Variants in NALCN observed in about 807,000 individuals in gnomAD.
The protein encoded by NALCN is sodium leak channel, non-selective.
A neutral mutation model predicts 225.3 loss-of-function variants in NALCN; 111 were observed. That is an observed-to-expected ratio of 0.49 (90% CI 0.42 to 0.58). NALCN has a LOEUF of 0.58. Among genes scored for constraint, NALCN ranks in the 20% least tolerant of loss-of-function variants. The pLI, the probability that NALCN is intolerant of heterozygous loss-of-function variation, is 0.00. For missense variants in NALCN, 1,378 were observed against 2,202.4 expected (o/e 0.63, Z 7.49); for synonymous variants, 764 against 769.0 (o/e 0.99, Z 0.11).
intron 10 of NALCN, among the ~76,000 whole-genome samples, chr13:101,273,709 C>A (rs186242192): frequency 2.6e-5 from 4 of 151,756 alleles, no homozygotes; most frequent in Non-Finnish European, 4.4e-5. Context: ...CACAGTGAAA[C>A]CCCGTCTCTT....
chr13:101,055,452 T>C lies in NALCN; in HGVS notation c.5060A>G (p.Asn1687Ser). ...GGTTGTCCTTCCTCCAAACCGTAAG[T>C]TGACTGAGGACACTGAATGGCTTAT... Reference protein sequence around the residue: ...KPISHSVSSVNLRFGGRTTMK... With the variant: ...KPISHSVSSVSLRFGGRTTMK... The change falls in exon 44 of 44, where the codon AAC becomes AGC. Residue 1687 changes from asparagine to serine, a missense_variant. Asn to Ser is a conservative substitution (Grantham distance 46, BLOSUM62 1). Around this residue, in one of 19 missense-constraint regions of NALCN, gnomAD observed 145 missense variants for 169.6 expected, o/e 0.85. Coordinates refer to ENST00000251127, the MANE Select transcript of NALCN (RefSeq NM_052867.4). 6.2e-7 allele frequency: 1 copy of C among 1,614,110 alleles called. No individual in the cohort carries two copies. Among genetic ancestry groups the C allele is most frequent in the Non-Finnish European group, 8.5e-7 (1 of 1,180,010 alleles).
At chr13:101,222,359 G>A (rs1186672379) in intron 13 of NALCN, among the ~76,000 whole-genome samples, 2 of 151,678 alleles carry the variant, frequency 1.3e-5, no homozygotes, top group South Asian at 2.1e-4. Context: ...CCTTCAACCC[G>A]CTATCTCTCT....
chr13:101,055,484 T>G lies in NALCN; in HGVS notation c.5028A>C (p.Pro1676=), dbSNP rs761293937. 1.2e-6 allele frequency: 2 copies of G among 1,613,768 alleles called. No individual in the cohort carries two copies. Among genetic ancestry groups the G allele is most frequent in the East Asian group, 2.2e-5 (1 of 44,862 alleles). The stretch of plus-strand genomic sequence containing the variant: ...AGGACACTGAATGGCTTATTGGTTT[T>G]GGGGCTGTGGAATTAATGAGTCCTA... The part of the protein sequence containing the change: ...KFGQWRLPSA[P]KPISHSVSSV... The change falls in exon 44 of 44, where the codon CCA becomes CCC. Residue 1676 remains proline (P), a synonymous_variant. Transcript: ENST00000251127.
At chr13:101,119,624 G>C (rs536429787) in intron 18 of NALCN, among the ~76,000 whole-genome samples, 1 of 152,300 alleles carries the variant, frequency 6.6e-6, no homozygotes, top group Admixed American at 6.5e-5. Flanking sequence ...TTGAATTAGA[G>C]GAAATCTCAA....
intron 15 of NALCN, among the ~76,000 whole-genome samples, chr13:101,161,349 C>T (rs988429590): frequency 1.2e-4 from 19 of 152,162 alleles, no homozygotes; most frequent in Non-Finnish European, 2.6e-4. Context: ...TGAACGTTTC[C>T]CCCAAATACG....
rs187870012 is a variant in NALCN at position 101,093,852 on chromosome 13, G to A, written c.3269+1722C>T. 4.6e-5 allele frequency among the ~76,000 whole-genome samples: 7 copies of A among 152,156 alleles called. No individual in the cohort carries two copies. The East Asian group carries it at 1.2e-3, about 25-fold the overall frequency. ...CCATCCTTAGCAGCTCAAGGACCCC[G>A]GTTTGAGGAAAGGAAGAAAAGTTGG... On this transcript the variant is annotated intron_variant, in intron 28 of 43. Coordinates refer to ENST00000251127, the MANE Select transcript of NALCN (RefSeq NM_052867.4).
intron 13 of NALCN, among the ~76,000 whole-genome samples, chr13:101,192,647 G>A (rs1442931795): frequency 1.3e-5 from 2 of 150,976 alleles, no homozygotes; most frequent in Non-Finnish European, 2.9e-5. Context: ...TCAAGATCAT[G>A]GAAGAAGCCA....
chr13:101,104,823 C>A lies in NALCN; in HGVS notation c.2636+71G>T. ...CAAGAAAATAAAAGAGAATTTTAATCGTTGTATGCAGCATAAAATAGTACA... is the reference window on the plus strand; with the variant it reads ...CAAGAAAATAAAAGAGAATTTTAATAGTTGTATGCAGCATAAAATAGTACA... On this transcript the variant is annotated intron_variant, in intron 23 of 43. Coordinates refer to ENST00000251127, the MANE Select transcript of NALCN (RefSeq NM_052867.4). The surrounding 1 kb of genome is among the most constrained non-coding windows in gnomAD (Gnocchi z 4.2). 3.2e-6 allele frequency: 5 copies of A among 1,567,130 alleles called. No individual in the cohort carries two copies. In the South Asian group the frequency reaches 5.6e-5, roughly 18 times the overall value.
In NALCN at chr13:101,144,782, C is replaced by A. The variant is rs752673129; in HGVS notation, c.1954G>T (p.Asp652Tyr). 1 of 1,608,742 alleles carries A rather than the reference C, an allele frequency of 6.2e-7. No individual in the cohort carries two copies. Among genetic ancestry groups the A allele is most frequent in the Non-Finnish European group, 8.5e-7 (1 of 1,177,816 alleles). ...TACCTGATTTTAGGAACTGTAAAAT[C>A]TGAAGGAAGCTTTGAGATTTTCACC... Reference protein sequence around the residue: ...QMVKISKLPSDFTVPKIRESF... With the variant: ...QMVKISKLPSYFTVPKIRESF... Residue 652 changes from aspartate (D) to tyrosine (Y), a missense_variant, in exon 16 of 44, where the codon GAT (aspartate) becomes TAT (tyrosine). Physicochemically the swap from Asp to Tyr is radical, Grantham distance 160. Transcript: ENST00000251127.
intron 13 of NALCN, among the ~76,000 whole-genome samples, chr13:101,221,190 T>TCTACTGCAA (rs2040923262): frequency 6.6e-6 from 1 of 151,946 alleles, no homozygotes; most frequent in Non-Finnish European, 1.5e-5. Flanking sequence ...AGTAGCAAAA[T>TCTACTGCAA]CTACTGCAAC....
chr13:101,095,295 T>C (rs2034443130), intron 28 of NALCN, among the ~76,000 whole-genome samples: 1 of 152,216 alleles, frequency 6.6e-6, no homozygotes, highest in South Asian at 2.1e-4. Context: ...TTTTAAGGCA[T>C]TTGAATCCAG....
intron 41 of NALCN, 53 bp downstream of exon 41, chr13:101,061,915 G>A (rs1029963875): frequency 3.2e-6 from 5 of 1,548,776 alleles, no homozygotes; most frequent in African/African-American, 2.8e-5. Flanking sequence ...TCCTCCTGCG[G>A]GGCAGGGCGG....
intron 14 of NALCN, chr13:101,180,380 T>A (rs2039152720): frequency 7.4e-6 from 1 of 134,586 alleles, no homozygotes; most frequent in Non-Finnish European, 1.7e-5. Flanking sequence ...TACTTTTTTT[T>A]TTTTTTTTAT....
chr13:101,317,258 T>C (rs989309523), intron 7 of NALCN, among the ~76,000 whole-genome samples: 1 of 152,240 alleles, frequency 6.6e-6, no homozygotes, highest in African/African-American at 2.4e-5. Flanking sequence ...ATAATAATGT[T>C]TGATATAGAA....
At chr13:101,145,878 G>A (rs1264110765) in intron 15 of NALCN, among the ~76,000 whole-genome samples, 1 of 152,088 alleles carries the variant, frequency 6.6e-6, no homozygotes, top group African/African-American at 2.4e-5. Flanking sequence ...TGGGGGGTGG[G>A]TTTCAAAAAT....
chr13:101,245,981 G>T (rs564933678), intron 11 of NALCN, among the ~76,000 whole-genome samples: 5 of 152,258 alleles, frequency 3.3e-5, no homozygotes, highest in East Asian at 3.9e-4. Context: ...AACCTCTAGG[G>T]GGTATTTGGA....
intron 10 of NALCN, among the ~76,000 whole-genome samples, chr13:101,264,753 C>T (rs1354172981): frequency 1.3e-5 from 2 of 152,188 alleles, no homozygotes; most frequent in Admixed American, 1.3e-4. Context: ...ACCACAGATG[C>T]TGGCTGGAAT....
chr13:101,325,654 G>T (rs552550806), intron 7 of NALCN, among the ~76,000 whole-genome samples: 1 of 152,088 alleles, frequency 6.6e-6, no homozygotes, highest in East Asian at 1.9e-4. Context: ...GCTTTCTTAC[G>T]GCTGATATCC....
At position 101,150,312 on chromosome 13, in the gene NALCN, C is replaced by T. The variant is rs2139820476; in HGVS notation, c.1840-5416G>A. The stretch of plus-strand genomic sequence containing the variant: ...TAAGGCACAGTCAATATTTCCTGAG[C>T]AGGGTGCTGGGTGTGTTCAGTTTAC... On this transcript the variant is annotated intron_variant, in intron 15 of 43. Transcript: ENST00000251127. Among the ~76,000 whole-genome samples, 3 of 152,254 alleles carry T rather than the reference C, an allele frequency of 2.0e-5. 1 individual carries two copies. The South Asian group carries it at 6.2e-4, about 32-fold the overall frequency.
Sources: gnomAD v4.1 joint callset for allele counts (sites outside exome capture counted in the v4.1 genomes callset) on GRCh38, gnomAD v4.1.1 for gene constraint, gnomAD v4.1.1 regional missense constraint, Gnocchi (gnomAD v3.1) non-coding constraint, MANE v1.5 for transcripts, NCBI Gene and HGNC (gene_info 2026-07-23, HGNC 2026-07-21) for gene names.